Variants in GRIK2 observed in about 807,000 individuals in gnomAD.
GRIK2 encodes glutamate receptor ionotropic, kainate 2.
GRIK2 carries 32 observed loss-of-function variants against 100.3 expected under a neutral mutation model. The observed-to-expected ratio is 0.32, with a 90% CI of 0.24 to 0.43. The LOEUF (loss-of-function observed/expected upper bound fraction) is 0.43. Ranked by LOEUF, GRIK2 falls within the 20% of genes least tolerant of loss-of-function variation. The pLI is 1.00. For synonymous variants in GRIK2, 417 were observed against 389.4 expected, an observed-to-expected ratio of 1.07 and a Z score of -0.83; for missense variants, 843 against 1,114.9, an observed-to-expected ratio of 0.76 and a Z score of 3.47.
Position 101,987,610 on chromosome 6 carries a change from C to T in GRIK2, c.2086-47731C>T, listed in dbSNP as rs1224944070. On this transcript the variant is annotated intron_variant, in intron 14 of 16. Transcript: ENST00000369134. ...TAAACACTATTAGCTTCCTGTATTA[C>T]AATTAATTAGATGTATACTAATTAT... Among the ~76,000 whole-genome samples, 3 of 150,388 alleles carry T rather than the reference C, an allele frequency of 2.0e-5. No homozygotes were observed. The East Asian group carries it at 5.9e-4, about 30-fold the overall frequency.
At chr6:101,597,802 C>T (rs1778994627) in intron 2 of GRIK2, among the ~76,000 whole-genome samples, 1 of 151,666 alleles carries the variant, frequency 6.6e-6, no homozygotes, top group South Asian at 2.1e-4. Flanking sequence ...GTTAAAAAGA[C>T]AGCATTGAAG....
In GRIK2 at chr6:101,759,867, ATTTATTTTTATTTTTAT is replaced by A. The variant is rs368163336; in HGVS notation, c.952-39777_952-39761del. On this transcript the variant is annotated intron_variant, in intron 7 of 16. Transcript: ENST00000369134. The stretch of plus-strand genomic sequence containing the variant: ...AGCATTTTATTTTTTTTATTTTTTT[ATTTATTTTTATTTTTAT>A]TTTTTTTTGAGACGGAGTCTCGCTC... Among the ~76,000 whole-genome samples the A allele has an allele frequency of 1.4e-4, 21 of 147,114 alleles. 1 individual carries two copies. Among genetic ancestry groups the A allele is most frequent in the East Asian group, 6.0e-4 (3 of 4,976 alleles).
chr6:101,742,497 C>G (rs181687580), intron 7 of GRIK2, among the ~76,000 whole-genome samples: 1 of 152,098 alleles, frequency 6.6e-6, no homozygotes, highest in Non-Finnish European at 1.5e-5. Flanking sequence ...CCTGAGAACA[C>G]GTCCTCAAGG....
At chr6:101,788,743 G>A (rs1174928254) in intron 7 of GRIK2, among the ~76,000 whole-genome samples, 1 of 152,152 alleles carries the variant, frequency 6.6e-6, no homozygotes, top group African/African-American at 2.4e-5. Flanking sequence ...GGATGGCTGG[G>A]TCAAATGGTA....
chr6:101,943,210 G>C (rs1264434349), intron 14 of GRIK2, among the ~76,000 whole-genome samples: 1 of 152,172 alleles, frequency 6.6e-6, no homozygotes, highest in East Asian at 1.9e-4. Flanking sequence ...TGGGCCTGTG[G>C]GTGCACAGAA....
At chr6:101,637,442 G>A (rs956538319) in intron 4 of GRIK2, among the ~76,000 whole-genome samples, 1 of 151,994 alleles carries the variant, frequency 6.6e-6, no homozygotes, top group Non-Finnish European at 1.5e-5. Context: ...GATCATTCTA[G>A]ATTCTTTCCT....
chr6:101,593,264 G>A lies in GRIK2; in HGVS notation c.116-28685G>A, dbSNP rs116323211. On this transcript the variant is annotated intron_variant, in intron 2 of 16. Transcript: ENST00000369134. ...GATGGAGGTGATGATGGGAATAGAA[G>A]CAACTTCCTTCATAAAGATTTCCCT... 2.9e-3 allele frequency among the ~76,000 whole-genome samples: 447 copies of A among 151,948 alleles called. 1 individual carries two copies. Among genetic ancestry groups the A allele is most frequent in the African/African-American group, 0.01 (417 of 41,502 alleles).
At position 101,399,357 on chromosome 6, in the gene GRIK2, G is replaced by T; in HGVS notation, c.80G>T (p.Gly27Val). ...VKLLLCLLWI[G>V]YSQGTTHVLR... ...CTCCTGCTCTGTTTACTGTGGATTG[G>T]ATATTCTCAAGGAACCACACATGTA... Residue 27 changes from glycine (G) to valine (V), a missense_variant, in exon 2 of 17, where the codon GGA becomes GTA. Gly to Val is a moderately radical substitution (Grantham distance 109). Transcript: ENST00000369134. 1 of 1,583,512 alleles carries T rather than the reference G, an allele frequency of 6.3e-7. No homozygotes were observed. The highest frequency in any genetic ancestry group is 8.7e-7 in the Non-Finnish European group (1 of 1,152,208).
intron 9 of GRIK2, among the ~76,000 whole-genome samples, chr6:101,812,408 T>TA (rs1227683323): frequency 5.9e-5 from 9 of 151,866 alleles, no homozygotes; most frequent in African/African-American, 1.9e-4. Context: ...GCAGGATCAA[T>TA]AAAAATGAAA....
intron 2 of GRIK2, among the ~76,000 whole-genome samples, chr6:101,603,750 G>C (rs1414894784): frequency 6.6e-6 from 1 of 151,550 alleles, no homozygotes; most frequent in Non-Finnish European, 1.5e-5. Flanking sequence ...CAATTTATAG[G>C]TTAAATGATA....
At chr6:101,889,618 T>TTTG in intron 11 of GRIK2, 22 bp from the exon 12 acceptor site, 1 of 1,058,976 alleles carries the variant, frequency 9.4e-7, no homozygotes. Context: ...TTTTTTTTTT[T>TTTG]TTTGTTTGTT....
At chr6:102,065,244 T>A (rs961039348) in intron 16 of GRIK2, among the ~76,000 whole-genome samples, 2 of 151,254 alleles carry the variant, frequency 1.3e-5, no homozygotes, top group African/African-American at 4.8e-5. Context: ...GTAAATATAA[T>A]TTATTTAAGA....
chr6:101,693,934 G>A (rs914652673), intron 7 of GRIK2, among the ~76,000 whole-genome samples: 2 of 151,868 alleles, frequency 1.3e-5, no homozygotes, highest in African/African-American at 2.4e-5. Flanking sequence ...TGGATATGAC[G>A]AATCACCAAT....
At chr6:101,816,919 C>T (rs1329971660) in intron 9 of GRIK2, among the ~76,000 whole-genome samples, 2 of 152,092 alleles carry the variant, frequency 1.3e-5, no homozygotes, top group South Asian at 2.1e-4. Context: ...GGATTGTGGC[C>T]CCTCCTTTCT....
chr6:101,878,069 GGTATA>G (rs1785978691), intron 11 of GRIK2, among the ~76,000 whole-genome samples: 1 of 124,912 alleles, frequency 8.0e-6, no homozygotes, highest in East Asian at 2.2e-4. Flanking sequence ...AATCGTGCCA[GGTATA>G]TTATATTATA....
intron 10 of GRIK2, among the ~76,000 whole-genome samples, chr6:101,836,791 G>A (rs1161359481): frequency 1.3e-5 from 2 of 148,204 alleles, no homozygotes; most frequent in East Asian, 2.0e-4. Flanking sequence ...TCAGCCTCCC[G>A]AGTAGCTGGG....
intron 2 of GRIK2, among the ~76,000 whole-genome samples, chr6:101,532,216 G>T (rs1349235115): frequency 6.6e-6 from 1 of 151,772 alleles, no homozygotes; most frequent in Non-Finnish European, 1.5e-5. Flanking sequence ...TTTGAAGCTG[G>T]TTACTTCCTT....
intron 12 of GRIK2, among the ~76,000 whole-genome samples, chr6:101,903,513 C>T (rs560012345): frequency 1.2e-3 from 178 of 151,744 alleles, no homozygotes; most frequent in Non-Finnish European, 2.0e-3. Flanking sequence ...GTTAATGAAA[C>T]GTAAACAACG....
intron 14 of GRIK2, among the ~76,000 whole-genome samples, chr6:102,000,077 A>G (rs1215198033): frequency 1.3e-5 from 2 of 151,786 alleles, no homozygotes; most frequent in African/African-American, 2.4e-5. Flanking sequence ...TTTTACATCT[A>G]TGTTCATGAG....
Sources: allele counts gnomAD v4.1 joint callset (sites outside exome capture counted in the v4.1 genomes callset), GRCh38; gene constraint gnomAD v4.1.1; transcripts MANE v1.5; gene names NCBI Gene and HGNC (gene_info 2026-07-23, HGNC 2026-07-21).